Variants in EHBP1 observed in about 807,000 individuals in gnomAD.
EHBP1 encodes EH domain binding protein 1.
A neutral mutation model predicts 144.0 loss-of-function variants in EHBP1; 55 were observed. That is an observed-to-expected ratio of 0.38 (90% CI 0.31 to 0.48). EHBP1 has a LOEUF of 0.48. Ranked by LOEUF, EHBP1 falls within the 20% of genes least tolerant of loss-of-function variation. The pLI is 0.98. For missense variants in EHBP1, 1,200 were observed against 1,364.2 expected (o/e 0.88, Z 1.90); for synonymous variants, 469 against 472.7 (o/e 0.99, Z 0.10).
rs2061543495 is a variant in EHBP1 at position 63,038,730 on chromosome 2, G to A, written c.3204-13G>A. On this transcript the variant is annotated splice_polypyrimidine_tract_variant and intron_variant, in intron 20 of 22. Transcript: ENST00000431489. ...GTAATTAGCATATTGATGAACTTTT[G>A]CAACTTGCCCAGGGAAAAAGAACAT... 6.2e-7 allele frequency: 1 copy of A among 1,611,072 alleles called. No homozygotes were observed. The highest frequency in any genetic ancestry group is 8.5e-7 in the Non-Finnish European group (1 of 1,177,898).
intron 15 of EHBP1, among the ~76,000 whole-genome samples, chr2:62,987,075 T>G (rs569315237): frequency 2.0e-5 from 3 of 152,176 alleles, no homozygotes; most frequent in African/African-American, 7.2e-5. Context: ...GCCTGTCTGT[T>G]GGATAGAAAT....
chr2:62,769,753 C>T (rs1040411978), intron 4 of EHBP1, among the ~76,000 whole-genome samples: 8 of 146,038 alleles, frequency 5.5e-5, no homozygotes, highest in African/African-American at 2.0e-4. Context: ...TGACTCCAAG[C>T]TATACTGCAG....
intron 3 of EHBP1, among the ~76,000 whole-genome samples, chr2:62,749,387 A>G (rs2039461047): frequency 1.3e-5 from 2 of 152,072 alleles, no homozygotes; most frequent in African/African-American, 2.4e-5. Flanking sequence ...GTCTATCATT[A>G]ATGGACATTT....
intron 7 of EHBP1, among the ~76,000 whole-genome samples, chr2:62,844,276 C>A (rs961893198): frequency 6.6e-6 from 1 of 152,094 alleles, no homozygotes; most frequent in South Asian, 2.1e-4. Context: ...GATCAAAAAT[C>A]CCTACACTGT....
chr2:62,927,140 A>C (rs2055581948), intron 10 of EHBP1, among the ~76,000 whole-genome samples: 1 of 152,204 alleles, frequency 6.6e-6, no homozygotes. Context: ...AGCTAAAAGT[A>C]AAAGTTGATC....
At chr2:62,781,037 T>C (rs549726890) in intron 5 of EHBP1, among the ~76,000 whole-genome samples, 18 of 152,282 alleles carry the variant, frequency 1.2e-4, no homozygotes, top group Admixed American at 3.3e-4. Context: ...TAAATAGATA[T>C]CATGTGACAG....
chr2:62,951,537 G>C (rs867095315), intron 13 of EHBP1, among the ~76,000 whole-genome samples: 5 of 140,944 alleles, frequency 3.5e-5, no homozygotes, highest in South Asian at 4.9e-4. Context: ...TTTTTTTTGG[G>C]GGGGGGGGGT....
intron 10 of EHBP1, among the ~76,000 whole-genome samples, chr2:62,900,264 T>G (rs1267730964): frequency 2.0e-5 from 3 of 152,046 alleles, no homozygotes; most frequent in Non-Finnish European, 4.4e-5. Context: ...TGTAATTCAG[T>G]GAAGGAAAAT....
chr2:62,898,392 G>C (rs1047934817), intron 10 of EHBP1, among the ~76,000 whole-genome samples: 8 of 152,130 alleles, frequency 5.3e-5, no homozygotes, highest in Non-Finnish European at 2.9e-5. Context: ...ACCAAGAGCA[G>C]AAAAATTGTT....
Position 62,867,976 on chromosome 2 carries a change from A to G in EHBP1, c.998+3005A>G, listed in dbSNP as rs112063666. Among the ~76,000 whole-genome samples the G allele has an allele frequency of 2.8e-3, 428 of 152,242 alleles. 1 individual carries two copies. The highest frequency in any genetic ancestry group is 9.9e-3 in the African/African-American group (412 of 41,544). Reference sequence around the variant, plus strand: ...CAAGAAATGATGCTAGAACAATTAAATGTCCATATGCCCCTCCTCAACAAA... The same window carrying G: ...CAAGAAATGATGCTAGAACAATTAAGTGTCCATATGCCCCTCCTCAACAAA... On this transcript the variant is annotated intron_variant, in intron 9 of 22. Coordinates refer to ENST00000431489, the MANE Select transcript of EHBP1 (RefSeq NM_001142616.3).
intron 5 of EHBP1, chr2:62,771,716 T>G (rs2041677260): frequency 6.5e-6 from 1 of 155,024 alleles, no homozygotes; most frequent in Admixed American, 6.5e-5. Context: ...TTACTCATCT[T>G]TTTATCTGTC....
intron 7 of EHBP1, among the ~76,000 whole-genome samples, chr2:62,849,842 A>G (rs956399763): frequency 9.8e-5 from 15 of 152,316 alleles, no homozygotes; most frequent in African/African-American, 2.9e-4. Flanking sequence ...TGAGGGGACT[A>G]TCTATGGTCA....
At chr2:62,927,255 C>T (rs973843004) in intron 10 of EHBP1, among the ~76,000 whole-genome samples, 1 of 152,034 alleles carries the variant, frequency 6.6e-6, no homozygotes, top group African/African-American at 2.4e-5. Flanking sequence ...TACAAAATTA[C>T]AGCTAGATAG....
At chr2:62,678,783 T>C (rs2033405656) in intron 1 of EHBP1, among the ~76,000 whole-genome samples, 1 of 152,312 alleles carries the variant, frequency 6.6e-6, no homozygotes, top group Admixed American at 6.5e-5. Flanking sequence ...ACCTTTGTCC[T>C]ACCTTTTATA....
At position 62,872,400 on chromosome 2, in the gene EHBP1, A is replaced by G. The variant is rs2050562866; in HGVS notation, c.999-1946A>G. ...TTCTGAAATAGATTTTTCAAATCATAGATGATCAACAGAATGTGAAAATAG... is the reference window on the plus strand; with the variant it reads ...TTCTGAAATAGATTTTTCAAATCATGGATGATCAACAGAATGTGAAAATAG... On this transcript the variant is annotated intron_variant, in intron 9 of 22. Transcript: ENST00000431489. Among the ~76,000 whole-genome samples, 4 of 152,260 alleles carry G rather than the reference A, an allele frequency of 2.6e-5. No individual in the cohort carries two copies. The South Asian group carries it at 8.3e-4, about 32-fold the overall frequency.
In EHBP1 at chr2:62,816,707, C is replaced by T. The variant is rs139957313; in HGVS notation, c.313-9380C>T. ...TGTCATGGATTTAGCTAGTTTAAGA[C>T]GTGGCTCTATTGTCTCCTGACTCTC... On this transcript the variant is annotated intron_variant, in intron 5 of 22. Coordinates refer to ENST00000431489, the MANE Select transcript of EHBP1 (RefSeq NM_001142616.3). Among the ~76,000 whole-genome samples the T allele has an allele frequency of 5.3e-4, 81 of 152,252 alleles. 1 individual carries two copies. Among genetic ancestry groups the T allele is most frequent in the African/African-American group, 1.7e-3 (72 of 41,554 alleles).
rs946956646 is a variant in EHBP1 at position 62,786,009 on chromosome 2, A to G, written c.312+14617A>G. Among the ~76,000 whole-genome samples, 13 of 152,228 alleles carry G rather than the reference A, an allele frequency of 8.5e-5. No homozygotes were observed. In the East Asian group the frequency reaches 2.5e-3, roughly 29 times the overall value. ...TTTGTGGGCATTAGTTGTCTACTGC[A>G]TTCCCGTATGTAACCAACTAAACAT... On this transcript the variant is annotated intron_variant, in intron 5 of 22. Transcript: ENST00000431489.
chr2:62,753,894 C>G (rs1475928564), intron 3 of EHBP1, among the ~76,000 whole-genome samples: 5 of 152,318 alleles, frequency 3.3e-5, no homozygotes, highest in Admixed American at 6.5e-5. Flanking sequence ...AGACATTCGT[C>G]TAATCTTTCT....
intron 10 of EHBP1, among the ~76,000 whole-genome samples, chr2:62,933,628 A>C (rs757548664): frequency 3.3e-5 from 5 of 152,196 alleles, no homozygotes; most frequent in Non-Finnish European, 7.4e-5. Flanking sequence ...GAAAAATAAC[A>C]TTTGTTAATA....
Sources: allele counts gnomAD v4.1 joint callset (sites outside exome capture counted in the v4.1 genomes callset), GRCh38; gene constraint gnomAD v4.1.1; transcripts MANE v1.5; gene names NCBI Gene and HGNC (gene_info 2026-07-23, HGNC 2026-07-21).